The following CAMK4 variants were observed in gnomAD, a reference collection of about 807,000 sequenced individuals.
The protein encoded by CAMK4 is calcium/calmodulin-dependent protein kinase type IV.
A neutral mutation model predicts 44.9 loss-of-function variants in CAMK4; 22 were observed. The observed-to-expected ratio is 0.49, with a 90% confidence interval of 0.35 to 0.70. The LOEUF (loss-of-function observed/expected upper bound fraction) is 0.70. CAMK4 is among the 30% of genes least tolerant of loss of function. The pLI is 0.01. For synonymous variants in CAMK4, 218 were observed against 215.4 expected (o/e 1.01, Z -0.11); for missense variants, 498 against 586.8 (o/e 0.85, Z 1.56).
chr5:111,418,837 T>G (rs1752912774), intron 5 of CAMK4, among the ~76,000 whole-genome samples: 1 of 152,246 alleles, frequency 6.6e-6, no homozygotes, highest in African/African-American at 2.4e-5. Flanking sequence ...TAATCCAGTC[T>G]ATTGTTGTTG....
chr5:111,468,537 G>A (rs529615049), intron 7 of CAMK4, among the ~76,000 whole-genome samples: 72 of 152,242 alleles, frequency 4.7e-4, no homozygotes, highest in African/African-American at 1.6e-3. Flanking sequence ...TACCTGCAAG[G>A]ACATTTGATA....
At chr5:111,410,971 C>A (rs1359812613) in intron 5 of CAMK4, among the ~76,000 whole-genome samples, 2 of 152,092 alleles carry the variant, frequency 1.3e-5, no homozygotes, top group Non-Finnish European at 1.5e-5. Flanking sequence ...AAGGTACCTC[C>A]TGGTGCTTCA....
At chr5:111,232,081 G>A (rs1479816208) in intron 1 of CAMK4, among the ~76,000 whole-genome samples, 2 of 152,074 alleles carry the variant, frequency 1.3e-5, no homozygotes, top group African/African-American at 4.8e-5. Context: ...GCTACCTAAA[G>A]TCCTCTTGTT....
chr5:111,454,515 G>C (rs1244000503), intron 7 of CAMK4, among the ~76,000 whole-genome samples: 1 of 151,810 alleles, frequency 6.6e-6, no homozygotes, highest in Non-Finnish European at 1.5e-5. Flanking sequence ...CCAAACTCCA[G>C]GCCAGAAAAT....
At chr5:111,388,784 G>A (rs1463921693) in intron 4 of CAMK4, among the ~76,000 whole-genome samples, 1 of 152,194 alleles carries the variant, frequency 6.6e-6, no homozygotes, top group Non-Finnish European at 1.5e-5. Flanking sequence ...AAATAAATTA[G>A]CAGATACATC....
intron 7 of CAMK4, among the ~76,000 whole-genome samples, chr5:111,462,844 T>C (rs1404236131): frequency 2.0e-5 from 3 of 152,240 alleles, no homozygotes; most frequent in Non-Finnish European, 2.9e-5. Flanking sequence ...AAAGTGAAAT[T>C]CATCCCAATC....
chr5:111,240,301 C>T (rs889905152), intron 1 of CAMK4, among the ~76,000 whole-genome samples: 6 of 134,412 alleles, frequency 4.5e-5, no homozygotes, highest in Admixed American at 1.5e-4. Flanking sequence ...AATCATTTAA[C>T]AATCTAAAAA....
At chr5:111,424,669 G>A (rs756761144) in intron 5 of CAMK4, among the ~76,000 whole-genome samples, 37 of 151,392 alleles carry the variant, frequency 2.4e-4, no homozygotes, top group Non-Finnish European at 4.6e-4. Flanking sequence ...GGATGGTCTC[G>A]ATCTCCTGAC....
intron 2 of CAMK4, among the ~76,000 whole-genome samples, chr5:111,364,219 G>A (rs1188967060): frequency 1.3e-5 from 2 of 151,880 alleles, no homozygotes; most frequent in African/African-American, 2.4e-5. Context: ...TCAGGATCAT[G>A]CTCGTGTGTT....
chr5:111,332,849 A>G (rs1169722257), intron 1 of CAMK4, among the ~76,000 whole-genome samples: 1 of 151,644 alleles, frequency 6.6e-6, no homozygotes, highest in Non-Finnish European at 1.5e-5. Context: ...GGAAAAACTT[A>G]GAAGAAAGAA....
At chr5:111,402,822 G>T (rs779764149) in intron 5 of CAMK4, among the ~76,000 whole-genome samples, 2 of 152,178 alleles carry the variant, frequency 1.3e-5, no homozygotes, top group African/African-American at 2.4e-5. Flanking sequence ...AACCGCTTTT[G>T]CTATCTTGTA....
intron 5 of CAMK4, among the ~76,000 whole-genome samples, chr5:111,422,000 G>C (rs144476423): frequency 9.2e-5 from 14 of 152,248 alleles, no homozygotes; most frequent in African/African-American, 3.1e-4. Context: ...TGATTGTGAG[G>C]CCTCCTCAGC....
chr5:111,336,336 T>C (rs1703081269), intron 1 of CAMK4, among the ~76,000 whole-genome samples: 1 of 151,312 alleles, frequency 6.6e-6, no homozygotes, highest in African/African-American at 2.4e-5. Context: ...CAAGATGTTC[T>C]TTCTGTATTA....
intron 1 of CAMK4, among the ~76,000 whole-genome samples, chr5:111,336,444 T>G (rs1749547614): frequency 6.7e-6 from 1 of 150,176 alleles, no homozygotes. Context: ...TTTACACACT[T>G]AAGTCAACTA....
In CAMK4 at chr5:111,290,836, G is replaced by T. The variant is rs559292757; in HGVS notation, c.162-53188G>T. Among the ~76,000 whole-genome samples, 2 of 152,278 alleles carry T rather than the reference G, an allele frequency of 1.3e-5. No homozygotes were observed. The highest frequency in any genetic ancestry group is 2.1e-4 in the South Asian group (1 of 4,820). On this transcript the variant is annotated intron_variant, in intron 1 of 10. Coordinates refer to ENST00000282356, the MANE Select transcript of CAMK4 (RefSeq NM_001744.6). This position sits in a 1 kb window ranked among gnomAD's most constrained non-coding sequence, Gnocchi z 4.5. ...GTAGAAAATCACACGTCTCTTGGAG[G>T]TTTATTTAAAAGTGAATATGTAAAA...
intron 1 of CAMK4, among the ~76,000 whole-genome samples, chr5:111,259,132 T>C (rs1177281916): frequency 6.6e-6 from 1 of 152,160 alleles, no homozygotes; most frequent in African/African-American, 2.4e-5. Flanking sequence ...CAAGAACCCA[T>C]AAAAAGAGGC....
intron 1 of CAMK4, among the ~76,000 whole-genome samples, chr5:111,315,187 A>G (rs577050897): frequency 2.6e-4 from 39 of 152,130 alleles, no homozygotes; most frequent in African/African-American, 9.4e-4. Context: ...AAAAGGTTTT[A>G]TTTTCTCCTC....
At chr5:111,453,555 CATT>C (rs1754307253) in intron 7 of CAMK4, among the ~76,000 whole-genome samples, 1 of 151,840 alleles carries the variant, frequency 6.6e-6, no homozygotes, top group Non-Finnish European at 1.5e-5. Flanking sequence ...TGGTGAGAAT[CATT>C]ATGATTCTAT....
At chr5:111,418,563 G>A (rs1306446286) in intron 5 of CAMK4, among the ~76,000 whole-genome samples, 2 of 151,914 alleles carry the variant, frequency 1.3e-5, no homozygotes, top group African/African-American at 4.8e-5. Context: ...TTTAGCGTTA[G>A]GTATATCACC....
Sources: allele counts gnomAD v4.1 joint callset (sites outside exome capture counted in the v4.1 genomes callset), GRCh38; gene constraint gnomAD v4.1.1; non-coding constraint Gnocchi (gnomAD v3.1); transcripts MANE v1.5; gene names NCBI Gene and HGNC (gene_info 2026-07-23, HGNC 2026-07-21).